MYO18B: variants seen among roughly 807,000 people sequenced by gnomAD.
The protein encoded by MYO18B is unconventional myosin-XVIIIb.
A neutral mutation model predicts 273.0 loss-of-function variants in MYO18B; 204 were observed. The ratio of observed to expected loss-of-function variants is 0.75; its 90% confidence interval spans 0.67 to 0.84. MYO18B has a LOEUF of 0.84. MYO18B is among the 40% of genes least tolerant of loss of function. MYO18B has a pLI of 0.00. For missense variants in MYO18B, 3,212 were observed against 3,287.6 expected (o/e 0.98, Z 0.56); for synonymous variants, 1,330 against 1,305.7 (o/e 1.02, Z -0.40).
intron 12 of MYO18B, among the ~76,000 whole-genome samples, chr22:25,802,766 A>AAC (rs1555896501): frequency 5.5e-4 from 54 of 98,636 alleles, no homozygotes; most frequent in East Asian, 2.8e-3. Flanking sequence ...AAAAAAAAAA[A>AAC]AAAAAAAAAA....
intron 40 of MYO18B, among the ~76,000 whole-genome samples, chr22:26,002,680 G>A (rs1188356601): frequency 6.6e-6 from 1 of 152,156 alleles, no homozygotes; most frequent in African/African-American, 2.4e-5. Flanking sequence ...AACAGGCCTG[G>A]GATCAAAAGC....
intron 42 of MYO18B, among the ~76,000 whole-genome samples, chr22:26,015,329 A>G (rs1935230334): frequency 6.6e-6 from 1 of 152,222 alleles, no homozygotes; most frequent in Admixed American, 6.5e-5. Context: ...AAATTGTTTT[A>G]CCGTAAAGAC....
At chr22:25,769,721 C>T (rs2086646887) in intron 4 of MYO18B, among the ~76,000 whole-genome samples, 1 of 152,158 alleles carries the variant, frequency 6.6e-6, no homozygotes, top group African/African-American at 2.4e-5. Flanking sequence ...GTAGAGCTTG[C>T]TTATGATGTC....
chr22:25,985,137 G>C (rs1487678321), intron 39 of MYO18B, among the ~76,000 whole-genome samples: 2 of 152,130 alleles, frequency 1.3e-5, no homozygotes, highest in Non-Finnish European at 2.9e-5. Context: ...GGGCTGGGTG[G>C]ATCACTTGAG....
At chr22:25,964,830 G>A (rs1238308361) in intron 39 of MYO18B, 1 of 152,296 alleles carries the variant, frequency 6.6e-6, no homozygotes, top group South Asian at 2.1e-4. Flanking sequence ...TGTGCCCAAG[G>A]TCGCAGGGCA....
chr22:25,921,422 G>T lies in MYO18B; in HGVS notation c.5517+13G>T, dbSNP rs1305993506. On this transcript the variant is annotated intron_variant, in intron 34 of 43. Coordinates refer to ENST00000335473, the MANE Select transcript of MYO18B (RefSeq NM_032608.7). ...AGTGCACAGCCAGGTGGGTGTCACGGGATCCCCTTGAGAATCAGGCTGGGG... is the reference window on the plus strand; with the variant it reads ...AGTGCACAGCCAGGTGGGTGTCACGTGATCCCCTTGAGAATCAGGCTGGGG... 1 of 1,596,560 alleles carries T rather than the reference G, an allele frequency of 6.3e-7. No individual in the cohort carries two copies.
At chr22:25,863,230 C>T (rs192387813) in intron 21 of MYO18B, among the ~76,000 whole-genome samples, 250 of 152,256 alleles carry the variant, frequency 1.6e-3, no homozygotes, top group African/African-American at 5.7e-3. Context: ...ATTACACTGT[C>T]CTTTAATTCA....
intron 39 of MYO18B, among the ~76,000 whole-genome samples, chr22:25,957,415 G>A (rs2092866556): frequency 6.6e-6 from 1 of 152,278 alleles, no homozygotes; most frequent in East Asian, 1.9e-4. Flanking sequence ...AAACCTTAAA[G>A]AGCTTGCATG....
chr22:25,851,466 C>G lies in MYO18B; in HGVS notation c.3776-4C>G, dbSNP rs757436415. ...TCTTCTCCTGCCTGCTCCTACCTCCCTAGGCTATGCTGACCACATGGGGCT... is the reference window on the plus strand; with the variant it reads ...TCTTCTCCTGCCTGCTCCTACCTCCGTAGGCTATGCTGACCACATGGGGCT... On this transcript the variant is annotated splice_polypyrimidine_tract_variant and splice_region_variant and intron_variant, in intron 20 of 43. Coordinates refer to ENST00000335473, the MANE Select transcript of MYO18B (RefSeq NM_032608.7). 1.3e-6 allele frequency: 2 copies of G among 1,550,544 alleles called. No homozygotes were observed. Among genetic ancestry groups the G allele is most frequent in the Admixed American group, 3.9e-5 (2 of 51,214 alleles).
At chr22:25,938,429 A>G (rs1029255386) in intron 34 of MYO18B, among the ~76,000 whole-genome samples, 1 of 152,100 alleles carries the variant, frequency 6.6e-6, no homozygotes, top group Non-Finnish European at 1.5e-5. Context: ...TGTGTAGAGG[A>G]GTCTTTGGGG....
At chr22:25,902,028 G>C (rs545656803) in intron 29 of MYO18B, among the ~76,000 whole-genome samples, 3 of 151,702 alleles carry the variant, frequency 2.0e-5, no homozygotes, top group Non-Finnish European at 4.4e-5. Flanking sequence ...AATAGAGATG[G>C]GGTCTCACTT....
At chr22:25,899,762 T>C (rs2091891756) in intron 29 of MYO18B, 1 of 143,622 alleles carries the variant, frequency 7.0e-6, no homozygotes, top group African/African-American at 2.6e-5. Flanking sequence ...CCACCTGCTG[T>C]GTGTCCTTGG....
At chr22:25,817,393 C>T (rs1018469) in intron 12 of MYO18B, among the ~76,000 whole-genome samples, 83,789 of 118,234 alleles carry the variant, frequency 0.71, 28,675 homozygotes, top group East Asian at 0.86. Flanking sequence ...CTCCCTCCCT[C>T]CCTTCCTTCC....
intron 39 of MYO18B, among the ~76,000 whole-genome samples, chr22:25,985,672 T>TA (rs2093194467): frequency 2.0e-5 from 2 of 100,284 alleles, no homozygotes; most frequent in Admixed American, 1.8e-4. Flanking sequence ...CTCTGTCACC[T>TA]AGGCTGGAGT....
rs544503259 is a variant in MYO18B at position 25,803,052 on chromosome 22, C to T, written c.2521+4955C>T. Among the ~76,000 whole-genome samples the T allele has an allele frequency of 4.3e-3, 654 of 151,272 alleles. 3 individuals are homozygous for T. The highest frequency in any genetic ancestry group is 0.015 in the African/African-American group (613 of 41,228). ...TCTCTGCTCACTGCAAGCTCTGTGTCCCAGGCTCATGCCATTCTCCTGCCT... is the reference window on the plus strand; with the variant it reads ...TCTCTGCTCACTGCAAGCTCTGTGTTCCAGGCTCATGCCATTCTCCTGCCT... On this transcript the variant is annotated intron_variant, in intron 12 of 43. Transcript: ENST00000335473.
intron 39 of MYO18B, among the ~76,000 whole-genome samples, chr22:25,982,191 C>A (rs1245583447): frequency 6.6e-6 from 1 of 152,176 alleles, no homozygotes; most frequent in Non-Finnish European, 1.5e-5. Context: ...CTGGGGATTA[C>A]AATTTACCAT....
At chr22:25,858,479 C>A (rs1034366548) in intron 21 of MYO18B, among the ~76,000 whole-genome samples, 3 of 152,202 alleles carry the variant, frequency 2.0e-5, no homozygotes, top group African/African-American at 7.2e-5. Flanking sequence ...AAGCACTTTG[C>A]AGCTATGGCT....
intron 39 of MYO18B, among the ~76,000 whole-genome samples, chr22:25,977,447 G>A (rs958546444): frequency 3.0e-4 from 45 of 152,310 alleles, no homozygotes; most frequent in African/African-American, 9.1e-4. Context: ...CCAGGGGGTT[G>A]TCACATTGGG....
chr22:25,967,295 GA>G (rs2092989925), intron 39 of MYO18B, among the ~76,000 whole-genome samples: 1 of 152,158 alleles, frequency 6.6e-6, no homozygotes, highest in Non-Finnish European at 1.5e-5. Flanking sequence ...TTGTTTAGAT[GA>G]GATTATGCTT....
Sources: gnomAD v4.1 joint callset for allele counts (sites outside exome capture counted in the v4.1 genomes callset) on GRCh38, gnomAD v4.1.1 for gene constraint, MANE v1.5 for transcripts, NCBI Gene and HGNC (gene_info 2026-07-23, HGNC 2026-07-21) for gene names.